The following RALGAPA2 variants were observed in gnomAD, a reference collection of about 807,000 sequenced individuals.
RALGAPA2 encodes the protein ral GTPase-activating protein subunit alpha-2.
Under a neutral mutation model 230.4 loss-of-function variants are expected in RALGAPA2, and 139 were observed. That is an observed-to-expected ratio of 0.60 (90% CI 0.53 to 0.69). The LOEUF (loss-of-function observed/expected upper bound fraction) is 0.69. RALGAPA2 is among the 30% of genes least tolerant of loss of function. The pLI is 0.00. For missense variants in RALGAPA2, 2,163 were observed against 2,276.0 expected (o/e 0.95, Z 1.01); for synonymous variants, 847 against 837.8 (o/e 1.01, Z -0.19).
chr20:20,485,470 T>C (rs2061887780), intron 36 of RALGAPA2, among the ~76,000 whole-genome samples: 1 of 152,264 alleles, frequency 6.6e-6, no homozygotes, highest in African/African-American at 2.4e-5. Flanking sequence ...TTAAGACGAC[T>C]GACATGTATT....
At position 20,558,842 on chromosome 20, in the gene RALGAPA2, T is replaced by C. The variant is rs1568577647; in HGVS notation, c.3157-12010A>G. 2.0e-5 allele frequency among the ~76,000 whole-genome samples: 3 copies of C among 150,134 alleles called. No individual in the cohort carries two copies. The South Asian group carries it at 6.3e-4, about 32-fold the overall frequency. ...AAAAAAAAAAGCTCAGGGCTTCTAATGCCATCACAGACTAGCGTGCCCCAT... is the reference window on the plus strand; with the variant it reads ...AAAAAAAAAAGCTCAGGGCTTCTAACGCCATCACAGACTAGCGTGCCCCAT... On this transcript the variant is annotated intron_variant, in intron 23 of 39. Transcript: ENST00000202677.
intron 23 of RALGAPA2, among the ~76,000 whole-genome samples, chr20:20,551,729 T>C (rs1001119256): frequency 6.6e-6 from 1 of 152,202 alleles, no homozygotes; most frequent in Non-Finnish European, 1.5e-5. Flanking sequence ...AAGAAAAACA[T>C]ATGGTGATGG....
chr20:20,511,396 T>A (rs901361771), intron 32 of RALGAPA2, 71 bp from the exon 33 acceptor site: 19 of 1,501,324 alleles, frequency 1.3e-5, no homozygotes, highest in Non-Finnish European at 1.6e-5. Context: ...CAATCAGTAA[T>A]TTAATAAAAA....
chr20:20,579,897 AT>A (rs1313350450), intron 20 of RALGAPA2, among the ~76,000 whole-genome samples: 2 of 152,226 alleles, frequency 1.3e-5, no homozygotes, highest in Admixed American at 1.3e-4. Flanking sequence ...TCAGTGCTAT[AT>A]TTTATCTTCT....
chr20:20,444,726 C>T (rs1215157510), intron 37 of RALGAPA2, among the ~76,000 whole-genome samples: 6 of 152,230 alleles, frequency 3.9e-5, no homozygotes, highest in Non-Finnish European at 5.9e-5. Flanking sequence ...TCTATAGTCT[C>T]ACCAACACTT....
chr20:20,701,319 A>G (rs975916716), intron 1 of RALGAPA2, among the ~76,000 whole-genome samples: 1 of 147,754 alleles, frequency 6.8e-6, no homozygotes, highest in Admixed American at 6.6e-5. Context: ...TACTAAATAA[A>G]TATTATTATT....
At chr20:20,416,178 G>T (rs536962915) in intron 37 of RALGAPA2, among the ~76,000 whole-genome samples, 1 of 152,144 alleles carries the variant, frequency 6.6e-6, no homozygotes, top group East Asian at 1.9e-4. Context: ...CATCTACCTG[G>T]GTTCCAGCAC....
At chr20:20,571,686 C>T in intron 22 of RALGAPA2, 73 bp from the exon 23 acceptor site, 1 of 1,531,316 alleles carries the variant, frequency 6.5e-7, no homozygotes, top group East Asian at 2.4e-5. Context: ...ATTTACTTCT[C>T]AGTTTTCCTT....
intron 37 of RALGAPA2, among the ~76,000 whole-genome samples, chr20:20,469,593 T>G (rs1466634596): frequency 6.6e-6 from 1 of 152,316 alleles, no homozygotes; most frequent in East Asian, 1.9e-4. Flanking sequence ...GGACGTTTAT[T>G]TTAAAAAGCC....
At chr20:20,617,221 G>A (rs182849407) in intron 12 of RALGAPA2, among the ~76,000 whole-genome samples, 1 of 152,094 alleles carries the variant, frequency 6.6e-6, no homozygotes, top group Admixed American at 6.5e-5. Flanking sequence ...TTAAAGTATT[G>A]TATCAAAATA....
intron 37 of RALGAPA2, among the ~76,000 whole-genome samples, chr20:20,429,110 C>T (rs762451976): frequency 3.1e-4 from 47 of 152,050 alleles, no homozygotes; most frequent in Non-Finnish European, 6.2e-4. Context: ...GCCAAGAGCC[C>T]ATTGGGTCCT....
intron 9 of RALGAPA2, 40 bp downstream of exon 9, chr20:20,635,378 A>G (rs2146465177): frequency 6.6e-7 from 1 of 1,522,320 alleles, no homozygotes; most frequent in East Asian, 2.3e-5. Context: ...GTATTTTATT[A>G]CACAAGCATT....
chr20:20,636,500 T>C (rs369049106), intron 8 of RALGAPA2, among the ~76,000 whole-genome samples: 1 of 152,144 alleles, frequency 6.6e-6, no homozygotes, highest in African/African-American at 2.4e-5. Flanking sequence ...TCAGTAATTC[T>C]ACATCTTTCA....
intron 24 of RALGAPA2, among the ~76,000 whole-genome samples, chr20:20,541,350 T>A (rs2063637160): frequency 1.3e-5 from 2 of 152,114 alleles, no homozygotes; most frequent in Non-Finnish European, 2.9e-5. Flanking sequence ...TATGAAAAAA[T>A]TTTAATTTAT....
intron 37 of RALGAPA2, among the ~76,000 whole-genome samples, chr20:20,431,176 C>T (rs553972973): frequency 1.8e-4 from 27 of 152,252 alleles, no homozygotes; most frequent in Admixed American, 7.9e-4. Context: ...CATCATGGGG[C>T]ATTTCCCAAG....
chr20:20,553,510 A>T (rs995909802), intron 23 of RALGAPA2, among the ~76,000 whole-genome samples: 1 of 152,120 alleles, frequency 6.6e-6, no homozygotes, highest in Non-Finnish European at 1.5e-5. Context: ...TGTAATTGTA[A>T]GACTGCATTC....
chr20:20,571,765 G>A, intron 22 of RALGAPA2, 83 bp downstream of exon 22: 3 of 1,471,048 alleles, frequency 2.0e-6, no homozygotes, highest in Non-Finnish European at 2.8e-6. Flanking sequence ...AAAACATGCA[G>A]TCTTGGGCAA....
intron 36 of RALGAPA2, among the ~76,000 whole-genome samples, chr20:20,480,337 G>C (rs2061746072): frequency 6.6e-6 from 1 of 152,196 alleles, no homozygotes; most frequent in South Asian, 2.1e-4. Context: ...GACCAGTGGA[G>C]TTACAGGAGG....
chr20:20,665,483 G>T (rs2067929285), intron 3 of RALGAPA2, among the ~76,000 whole-genome samples: 1 of 152,134 alleles, frequency 6.6e-6, no homozygotes. Context: ...TGAGTAATTT[G>T]GTATATCCCG....
Sources: allele counts gnomAD v4.1 joint callset (sites outside exome capture counted in the v4.1 genomes callset), GRCh38; gene constraint gnomAD v4.1.1; transcripts MANE v1.5; gene names NCBI Gene and HGNC (gene_info 2026-07-23, HGNC 2026-07-21).